CEP63: variants seen among roughly 807,000 people sequenced by gnomAD.
The protein encoded by CEP63 is centrosomal protein of 63 kDa.
Under a neutral mutation model 89.1 loss-of-function variants are expected in CEP63, and 84 were observed. That is an observed-to-expected ratio of 0.94 (90% CI 0.79 to 1.13). The LOEUF (loss-of-function observed/expected upper bound fraction) is 1.13. Ranked by LOEUF, CEP63 falls within the 50% of genes most tolerant of loss-of-function variation. CEP63 has a pLI of 0.00. For missense variants in CEP63, 838 were observed against 813.3 expected (o/e 1.03, Z -0.37); for synonymous variants, 267 against 272.5 (o/e 0.98, Z 0.20).
chr3:134,561,074 G>A (rs1165227263), intron 14 of CEP63, among the ~76,000 whole-genome samples: 1 of 152,112 alleles, frequency 6.6e-6, no homozygotes, highest in African/African-American at 2.4e-5. Flanking sequence ...TGAAATAATA[G>A]GCATTAACTA....
the CEP63 span, among the ~76,000 whole-genome samples, chr3:134,727,881 T>C: frequency 6.6e-6 from 1 of 152,192 alleles, no homozygotes; most frequent in African/African-American, 2.4e-5. Flanking sequence ...TTTTCTACTT[T>C]GGGGTCTGTT....
the CEP63 span, among the ~76,000 whole-genome samples, chr3:134,640,171 G>A: frequency 1.1e-4 from 16 of 147,132 alleles, no homozygotes; most frequent in Admixed American, 8.1e-4. Context: ...GAACCATTCC[G>A]AGCAATGAGT....
downstream of CEP63, among the ~76,000 whole-genome samples, chr3:134,569,866 T>A (rs1367684305): frequency 2.0e-5 from 3 of 152,260 alleles, no homozygotes; most frequent in African/African-American, 7.2e-5. Flanking sequence ...CAAGCGTTTC[T>A]ATACACCCTC....
chr3:134,772,693 A>T, the CEP63 span, among the ~76,000 whole-genome samples: 1 of 152,034 alleles, frequency 6.6e-6, no homozygotes, highest in East Asian at 1.9e-4. Flanking sequence ...CACACCCCAG[A>T]GTAGGGGCCT....
At chr3:134,639,581 A>G in the CEP63 span, among the ~76,000 whole-genome samples, 1 of 152,146 alleles carries the variant, frequency 6.6e-6, no homozygotes, top group African/African-American at 2.4e-5. Flanking sequence ...CTACTCTACA[A>G]AGTGTTTGCA....
chr3:134,515,480 G>A (rs915378767), intron 3 of CEP63, among the ~76,000 whole-genome samples: 4 of 152,166 alleles, frequency 2.6e-5, no homozygotes, highest in Non-Finnish European at 4.4e-5. Flanking sequence ...CATGCAAACA[G>A]TTTGACTAGA....
the CEP63 span, among the ~76,000 whole-genome samples, chr3:134,692,603 ATACCT>A: frequency 6.6e-6 from 1 of 152,216 alleles, no homozygotes; most frequent in African/African-American, 2.4e-5. Flanking sequence ...TAGGCAAATA[ATACCT>A]TAGTTTATTA....
chr3:134,653,378 C>A, the CEP63 span, among the ~76,000 whole-genome samples: 1 of 152,212 alleles, frequency 6.6e-6, no homozygotes, highest in African/African-American at 2.4e-5. Flanking sequence ...ATTGGAGTCA[C>A]CTCGACTGCT....
At chr3:134,498,268 T>C (rs1045210612) in intron 2 of CEP63, among the ~76,000 whole-genome samples, 2 of 152,170 alleles carry the variant, frequency 1.3e-5, no homozygotes, top group African/African-American at 4.8e-5. Context: ...TAGAGGTCTT[T>C]TATGTCCTTG....
chr3:134,503,166 C>T (rs1223258774), intron 2 of CEP63, among the ~76,000 whole-genome samples: 2 of 146,738 alleles, frequency 1.4e-5, no homozygotes, highest in African/African-American at 5.1e-5. Context: ...ATAAACACTC[C>T]TCTTAGCACT....
chr3:134,561,465 T>C lies in CEP63; in HGVS notation c.2042T>C (p.Leu681Ser), dbSNP rs1416642629. Reference protein sequence around the residue: ...ELRSHHILERLDAHIEELKRE... With the variant: ...ELRSHHILERSDAHIEELKRE... ...AGGTCTCATCACATTCTAGAGCGCT[T>C]GGATGCCCATATTGAAGAACTAAAA... The change falls in exon 15 of 15, where the codon TTG becomes TCG. Residue 681 changes from leucine (L) to serine (S), a missense_variant. Leu to Ser is a moderately radical substitution (Grantham distance 145, BLOSUM62 -2). Coordinates refer to ENST00000675561, the MANE Select transcript of CEP63 (RefSeq NM_001353108.3). 6.2e-7 allele frequency: 1 copy of C among 1,613,956 alleles called. No homozygotes were observed. The highest frequency in any genetic ancestry group is 1.7e-5 in the Admixed American group (1 of 60,018).
chr3:134,508,192 T>G (rs1407153826), intron 3 of CEP63, among the ~76,000 whole-genome samples: 1 of 152,230 alleles, frequency 6.6e-6, no homozygotes, highest in Non-Finnish European at 1.5e-5. Flanking sequence ...TTGTTAAAAA[T>G]GTTATTATGC....
At chr3:134,486,433 C>T in intron 1 of CEP63, 1 of 985,526 alleles carries the variant, frequency 1.0e-6, no homozygotes, top group Non-Finnish European at 1.2e-6. Context: ...CTCGGCCTGG[C>T]CCGCTATGCC....
chr3:134,558,010 A>G, intron 12 of CEP63, 132 bp from the exon 13 acceptor site: 1 of 774,026 alleles, frequency 1.3e-6, no homozygotes, highest in Non-Finnish European at 2.2e-6. Context: ...TAGGAGGCCT[A>G]AAAACAAAGC....
chr3:134,668,258 C>T, the CEP63 span, among the ~76,000 whole-genome samples: 14 of 152,296 alleles, frequency 9.2e-5, no homozygotes, highest in South Asian at 2.9e-3. Flanking sequence ...GAGTTGGCTG[C>T]CTGTAGAACT....
At position 134,561,940 on chromosome 3, in the gene CEP63, A is replaced by C; in HGVS notation, c.*405A>C. ...GTAGAAGCATGGATTTAGGGGTCAA[A>C]CATACCTGGATCGATAGACTGGTTT... On this transcript the variant is annotated 3_prime_UTR_variant, in exon 15 of 15. Coordinates refer to ENST00000675561, the MANE Select transcript of CEP63 (RefSeq NM_001353108.3). The C allele has an allele frequency of 9.6e-7, 1 of 1,040,056 alleles. No homozygotes were observed. Among genetic ancestry groups the C allele is most frequent in the Non-Finnish European group, 1.2e-6 (1 of 863,010 alleles). The allele number at this position is 1,040,056 out of a possible 1,614,324, so 64.4% of individuals were successfully genotyped here. A position where few individuals can be genotyped will look rare whatever the true frequency, so the allele number is the denominator to read the frequency against.
At chr3:134,653,667 G>A in the CEP63 span, among the ~76,000 whole-genome samples, 1 of 152,206 alleles carries the variant, frequency 6.6e-6, no homozygotes, top group Non-Finnish European at 1.5e-5. Context: ...AAAGGGGAAG[G>A]AGAGACAAGA....
chr3:134,624,467 C>G, the CEP63 span, among the ~76,000 whole-genome samples: 2 of 152,254 alleles, frequency 1.3e-5, no homozygotes, highest in Non-Finnish European at 2.9e-5. Flanking sequence ...GTGTTCAACA[C>G]CTTGTTCCTC....
At chr3:134,590,411 AAAATT>A (rs761076932), downstream of CEP63, among the ~76,000 whole-genome samples, 7 of 152,246 alleles carry the variant, frequency 4.6e-5, no homozygotes, top group Non-Finnish European at 7.3e-5. Context: ...AAGCAATTAG[AAAATT>A]AAATTAAAAA....
Sources: gnomAD v4.1 joint callset for allele counts (sites outside exome capture counted in the v4.1 genomes callset) on GRCh38, gnomAD v4.1.1 for gene constraint, MANE v1.5 for transcripts, NCBI Gene and HGNC (gene_info 2026-07-23, HGNC 2026-07-21) for gene names.